APPL2: variants seen among roughly 807,000 people sequenced by gnomAD.
The protein encoded by APPL2 is adaptor protein, phosphotyrosine interacting with PH domain and leucine zipper 2, also known as DCC-interacting protein 13-beta.
APPL2 carries 84 observed loss-of-function variants against 92.7 expected under a neutral mutation model. The observed-to-expected ratio is 0.91, with a 90% CI of 0.76 to 1.09. The LOEUF is 1.09. Ranked by LOEUF, APPL2 falls within the 50% of genes least tolerant of loss-of-function variation. APPL2 has a pLI of 0.00. For missense variants in APPL2, 736 were observed against 824.5 expected, an observed-to-expected ratio of 0.89 and a Z score of 1.31; for synonymous variants, 291 against 291.0, an observed-to-expected ratio of 1.00 and a Z score of 0.00.
At chr12:105,229,260 T>C in intron 1 of APPL2, 37 bp from the exon 2 acceptor site, 9 of 1,572,082 alleles carry the variant, frequency 5.7e-6, no homozygotes, top group Non-Finnish European at 6.9e-6. Context: ...ATTTCATTTC[T>C]AAGTGGAAAA....
intron 14 of APPL2, among the ~76,000 whole-genome samples, chr12:105,194,635 G>A (rs1887482920): frequency 6.6e-6 from 1 of 152,116 alleles, no homozygotes; most frequent in Admixed American, 6.5e-5. Context: ...CGGTTGCAGT[G>A]AGCCGGGATT....
intron 2 of APPL2, among the ~76,000 whole-genome samples, chr12:105,219,178 C>A (rs1274626388): frequency 6.6e-6 from 1 of 152,190 alleles, no homozygotes; most frequent in African/African-American, 2.4e-5. Flanking sequence ...GTCCTGAGCT[C>A]TGCAGGAGCT....
At chr12:105,193,621 C>G (rs2135952819) in intron 14 of APPL2, among the ~76,000 whole-genome samples, 1 of 152,318 alleles carries the variant, frequency 6.6e-6, no homozygotes, top group Admixed American at 6.5e-5. Context: ...TAGTGTCTTC[C>G]TTAGAGTTCC....
chr12:105,195,303 G>C lies in APPL2; in HGVS notation c.1199C>G (p.Pro400Arg), dbSNP rs1278183040. The change falls in exon 14 of 21, where the codon CCC (proline) becomes CGC (arginine). Residue 400 changes from proline (P) to arginine (R), a missense_variant. Coordinates refer to ENST00000258530, the MANE Select transcript of APPL2 (RefSeq NM_018171.5). Reference protein sequence around the residue: ...LNQTALQAVTPITSFGKKQES... With the variant: ...LNQTALQAVTRITSFGKKQES... ...TTGTTTTTTTCCAAAACTTGTAATG[G>C]GAGTCACTGCTTGCAGAGCGGTCTG... 1.2e-6 allele frequency: 2 copies of C among 1,614,064 alleles called. No homozygotes were observed. The highest frequency in any genetic ancestry group is 1.7e-6 in the Non-Finnish European group (2 of 1,180,032).
chr12:105,179,386 T>C (rs888098856), intron 17 of APPL2, among the ~76,000 whole-genome samples: 16 of 152,360 alleles, frequency 1.1e-4, no homozygotes, highest in Non-Finnish European at 1.6e-4. Context: ...CAGTCTATCA[T>C]TGATGGGCAT....
chr12:105,187,542 G>A (rs1310390887), intron 17 of APPL2, among the ~76,000 whole-genome samples: 1 of 152,206 alleles, frequency 6.6e-6, no homozygotes, highest in African/African-American at 2.4e-5. Flanking sequence ...AAGCAGTGCT[G>A]TCCCTTAGAA....
intron 14 of APPL2, among the ~76,000 whole-genome samples, chr12:105,192,919 G>GTAAA (rs1401245182): frequency 6.6e-6 from 1 of 152,210 alleles, no homozygotes; most frequent in Non-Finnish European, 1.5e-5. Context: ...TTGCTTAGAA[G>GTAAA]TAAATAGCAG....
intron 14 of APPL2, among the ~76,000 whole-genome samples, chr12:105,192,979 T>C (rs933469568): frequency 1.3e-5 from 2 of 152,144 alleles, no homozygotes; most frequent in Non-Finnish European, 2.9e-5. Context: ...CCCACTGTCA[T>C]CAAAACATTG....
chr12:105,202,996 G>A (rs11112409), intron 9 of APPL2, among the ~76,000 whole-genome samples: 25,869 of 146,424 alleles, frequency 0.18, 2,489 homozygotes, highest in East Asian at 0.27. Flanking sequence ...TTTCCATTTT[G>A]TCTATTTGTC....
chr12:105,201,369 A>AGG (rs1888187236), intron 9 of APPL2, among the ~76,000 whole-genome samples: 1 of 152,168 alleles, frequency 6.6e-6, no homozygotes, highest in Non-Finnish European at 1.5e-5. Flanking sequence ...TGGAACGTGG[A>AGG]AGACCAAGCT....
At chr12:105,180,038 CTCT>C (rs1885964135) in intron 17 of APPL2, among the ~76,000 whole-genome samples, 1 of 152,182 alleles carries the variant, frequency 6.6e-6, no homozygotes, top group African/African-American at 2.4e-5. Flanking sequence ...TCATCATGAA[CTCT>C]TTGCCCATGC....
At chr12:105,174,876 T>TGGGGGGGGGGGGGGGGGG (rs59473626) in intron 20 of APPL2, among the ~76,000 whole-genome samples, 1 of 89,016 alleles carries the variant, frequency 1.1e-5, no homozygotes, top group African/African-American at 4.7e-5. Context: ...TTTTTTTTGG[T>TGGGGGGGGGGGGGGGGGG]GGGGGGGGGG....
chr12:105,177,391 G>A (rs1334691223), intron 17 of APPL2, 129 bp from the exon 18 acceptor site: 5 of 955,074 alleles, frequency 5.2e-6, no homozygotes, highest in East Asian at 2.6e-5. Context: ...AGGGTGAGGC[G>A]AGATAGCTGT....
In APPL2 at chr12:105,197,946, C is replaced by T. The variant is rs1254966526; in HGVS notation, c.871G>A (p.Gly291Arg). 3.1e-6 allele frequency: 5 copies of T among 1,613,690 alleles called. No individual in the cohort carries two copies. The highest frequency in any genetic ancestry group is 4.2e-6 in the Non-Finnish European group (5 of 1,179,806). The change falls in exon 11 of 21, where the codon GGG (glycine) becomes AGG (arginine). Residue 291 changes from glycine to arginine, a missense_variant. Gly to Arg is a moderately radical substitution (Grantham distance 125, BLOSUM62 -2). Transcript: ENST00000258530. ...AGYLNLRNKT[G>R]LVTTTWERLY... The stretch of plus-strand genomic sequence containing the variant: ...CTCTCCCAGGTGGTGGTGACCAGCC[C>T]TGTTTTGCTGTGAGTTGTGTTTTAA...
At chr12:105,211,347 A>T in intron 4 of APPL2, 30 bp from the exon 5 acceptor site, 2 of 1,406,310 alleles carry the variant, frequency 1.4e-6, no homozygotes, top group Non-Finnish European at 2.0e-6. Flanking sequence ...ATTCAAGTAA[A>T]TTAAATACAT....
At chr12:105,204,943 C>G (rs1888572189) in intron 8 of APPL2, among the ~76,000 whole-genome samples, 1 of 152,226 alleles carries the variant, frequency 6.6e-6, no homozygotes, top group African/African-American at 2.4e-5. Flanking sequence ...GCACTGATTA[C>G]AGAGCCTCAG....
At chr12:105,214,566 T>A (rs76595855) in intron 4 of APPL2, among the ~76,000 whole-genome samples, 1 of 152,236 alleles carries the variant, frequency 6.6e-6, no homozygotes, top group South Asian at 2.1e-4. Flanking sequence ...ATAAAAAATA[T>A]GTATTTGGTC....
intron 2 of APPL2, among the ~76,000 whole-genome samples, chr12:105,227,745 A>C (rs948883928): frequency 1.3e-5 from 2 of 152,196 alleles, no homozygotes; most frequent in Non-Finnish European, 2.9e-5. Context: ...CCATGAATTA[A>C]ATGGGTGCAC....
chr12:105,198,960 C>T lies in APPL2; in HGVS notation c.863+413G>A, dbSNP rs183491306. Among the ~76,000 whole-genome samples the T allele has an allele frequency of 1.5e-3, 230 of 152,314 alleles. 2 individuals carry two copies. The highest frequency in any genetic ancestry group is 5.4e-3 in the African/African-American group (224 of 41,564). ...AATGTGTGACTCAATCAGTATGAAT[C>T]GAACTGACTCTAAAAGCCTCCTGAC... On this transcript the variant is annotated intron_variant, in intron 10 of 20. Coordinates refer to ENST00000258530, the MANE Select transcript of APPL2 (RefSeq NM_018171.5).
Sources: gnomAD v4.1 joint callset for allele counts (sites outside exome capture counted in the v4.1 genomes callset) on GRCh38, gnomAD v4.1.1 for gene constraint, MANE v1.5 for transcripts, NCBI Gene and HGNC (gene_info 2026-07-23, HGNC 2026-07-21) for gene names.